GALNTL6: variants seen among roughly 807,000 people sequenced by gnomAD.
GALNTL6 encodes the protein polypeptide N-acetylgalactosaminyltransferase like 6.
A neutral mutation model predicts 73.7 loss-of-function variants in GALNTL6; 46 were observed. That is an observed-to-expected ratio of 0.62 (90% CI 0.49 to 0.80). GALNTL6 has a LOEUF of 0.80. Among genes scored for constraint, GALNTL6 ranks in the 30% least tolerant of loss-of-function variants. The probability of loss-of-function intolerance (pLI) is 0.00; values close to 1 mark genes in which losing one functional copy is unlikely to be tolerated. For missense variants in GALNTL6, 604 were observed against 755.0 expected, an observed-to-expected ratio of 0.80 and a Z score of 2.34; for synonymous variants, 259 against 263.7, an observed-to-expected ratio of 0.98 and a Z score of 0.17.
At chr4:172,942,357 T>G (rs1748956624) in intron 9 of GALNTL6, among the ~76,000 whole-genome samples, 1 of 152,228 alleles carries the variant, frequency 6.6e-6, no homozygotes, top group South Asian at 2.1e-4. Context: ...AACCACAGTT[T>G]GTTTGAATGC....
intron 2 of GALNTL6, among the ~76,000 whole-genome samples, chr4:172,121,096 G>T (rs1229841218): frequency 6.6e-6 from 1 of 151,970 alleles, no homozygotes; most frequent in Non-Finnish European, 1.5e-5. Flanking sequence ...TAAACTATGT[G>T]CATATTCAGG....
rs552837923 is a variant in GALNTL6, at chr4:172,946,665, G to A, written c.1150-5372G>A. On this transcript the variant is annotated intron_variant, in intron 9 of 12. Transcript: ENST00000506823. ...TTCTAAAGACCTCTAATGAAAGGCTGAATGTGTTGATAAATATTTGAGCAA... is the reference window on the plus strand; with the variant it reads ...TTCTAAAGACCTCTAATGAAAGGCTAAATGTGTTGATAAATATTTGAGCAA... Among the ~76,000 whole-genome samples the A allele has an allele frequency of 2.0e-5, 3 of 152,306 alleles. No individual in the cohort carries two copies. The South Asian group carries it at 6.2e-4, about 32-fold the overall frequency.
chr4:172,097,061 TCAA>T (rs1732377106), intron 2 of GALNTL6, among the ~76,000 whole-genome samples: 1 of 152,214 alleles, frequency 6.6e-6, no homozygotes, highest in South Asian at 2.1e-4. Context: ...CCAATCACTC[TCAA>T]CAACTGAGTT....
intron 2 of GALNTL6, among the ~76,000 whole-genome samples, chr4:172,221,187 A>T (rs1017410899): frequency 6.6e-6 from 1 of 151,840 alleles, no homozygotes; most frequent in Non-Finnish European, 1.5e-5. Flanking sequence ...AGCTTTTTCT[A>T]CCTAATCCCC....
intron 5 of GALNTL6, among the ~76,000 whole-genome samples, chr4:172,489,574 A>T (rs1020379032): frequency 1.3e-5 from 2 of 152,220 alleles, no homozygotes; most frequent in African/African-American, 2.4e-5. Context: ...GGCAAAATTT[A>T]AAAAATTAAT....
chr4:172,010,102 G>A (rs1253965854), intron 2 of GALNTL6, among the ~76,000 whole-genome samples: 3 of 152,060 alleles, frequency 2.0e-5, no homozygotes, highest in Admixed American at 6.6e-5. Flanking sequence ...AACTAGAAAG[G>A]ATAGAGTTTA....
At chr4:172,048,859 C>T (rs554220145) in intron 2 of GALNTL6, among the ~76,000 whole-genome samples, 1 of 152,162 alleles carries the variant, frequency 6.6e-6, no homozygotes, top group Non-Finnish European at 1.5e-5. Context: ...GACAGCTCAA[C>T]CAGACTTAAT....
intron 10 of GALNTL6, among the ~76,000 whole-genome samples, chr4:173,003,344 A>G (rs983299396): frequency 1.3e-5 from 2 of 152,182 alleles, no homozygotes; most frequent in African/African-American, 4.8e-5. Flanking sequence ...TGTAAGACAC[A>G]GTGAAGATTA....
At chr4:172,744,834 C>CACGT (rs1158015939) in intron 5 of GALNTL6, among the ~76,000 whole-genome samples, 8 of 84,690 alleles carry the variant, frequency 9.4e-5, no homozygotes, top group East Asian at 3.6e-4. Flanking sequence ...TTTAAGAGTG[C>CACGT]GCGTGCGTGT....
chr4:172,957,876 G>A (rs752819990), intron 10 of GALNTL6, among the ~76,000 whole-genome samples: 2 of 152,166 alleles, frequency 1.3e-5, no homozygotes, highest in Non-Finnish European at 1.5e-5. Context: ...TGCCTTTGCT[G>A]GTGAGTGGTG....
intron 3 of GALNTL6, among the ~76,000 whole-genome samples, chr4:172,270,189 A>G (rs77942287): frequency 8.0e-5 from 12 of 150,256 alleles, no homozygotes; most frequent in East Asian, 5.9e-4. Flanking sequence ...GTGTGTGTGT[A>G]TGTGTGTGTG....
chr4:172,746,944 T>C (rs1416047581), intron 5 of GALNTL6, among the ~76,000 whole-genome samples: 1 of 151,976 alleles, frequency 6.6e-6, no homozygotes, highest in Non-Finnish European at 1.5e-5. Context: ...ATATAGAAAA[T>C]CCTAAAGACT....
chr4:172,375,363 A>G (rs1742987676), intron 5 of GALNTL6, among the ~76,000 whole-genome samples: 1 of 152,212 alleles, frequency 6.6e-6, no homozygotes, highest in Non-Finnish European at 1.5e-5. Context: ...TAGTGCAGAA[A>G]AAAATGAGCC....
chr4:172,736,507 C>T (rs1197170170), intron 5 of GALNTL6, among the ~76,000 whole-genome samples: 1 of 152,188 alleles, frequency 6.6e-6, no homozygotes, highest in African/African-American at 2.4e-5. Context: ...TGTTAACACA[C>T]ATGCTTTACA....
chr4:172,492,939 T>TGGTAAC (rs1256021909), intron 5 of GALNTL6, among the ~76,000 whole-genome samples: 1 of 151,948 alleles, frequency 6.6e-6, no homozygotes, highest in African/African-American at 2.4e-5. Context: ...CGCAAAGAGG[T>TGGTAAC]GGTAACAGTA....
chr4:172,361,707 T>A (rs1742377973), intron 5 of GALNTL6, among the ~76,000 whole-genome samples: 1 of 152,104 alleles, frequency 6.6e-6, no homozygotes, highest in African/African-American at 2.4e-5. Flanking sequence ...GGGGGCACAT[T>A]GGTTGAAGAA....
chr4:171,959,049 A>G (rs1739138592), intron 2 of GALNTL6, among the ~76,000 whole-genome samples: 1 of 152,196 alleles, frequency 6.6e-6, no homozygotes, highest in South Asian at 2.1e-4. Flanking sequence ...ATATGCAATA[A>G]TTAGGCTGAA....
rs541456624 is a variant in GALNTL6 at position 172,305,499 on chromosome 4, A to G, written c.248-6115A>G. Among the ~76,000 whole-genome samples the G allele has an allele frequency of 5.3e-5, 8 of 152,294 alleles. No individual in the cohort carries two copies. The South Asian group carries it at 1.2e-3, about 24-fold the overall frequency. ...ACATTTGATAATAGTAAATTATATTATAAATTTTAGTGTTGAAATAGATGT... is the reference window on the plus strand; with the variant it reads ...ACATTTGATAATAGTAAATTATATTGTAAATTTTAGTGTTGAAATAGATGT... On this transcript the variant is annotated intron_variant, in intron 3 of 12. Transcript: ENST00000506823.
intron 2 of GALNTL6, among the ~76,000 whole-genome samples, chr4:172,219,440 C>G (rs1027660423): frequency 3.3e-5 from 5 of 151,354 alleles, no homozygotes; most frequent in African/African-American, 1.2e-4. Flanking sequence ...CATTCAATTC[C>G]TATATTTATG....
Sources: allele counts gnomAD v4.1 joint callset (sites outside exome capture counted in the v4.1 genomes callset), GRCh38; gene constraint gnomAD v4.1.1; transcripts MANE v1.5; gene names NCBI Gene and HGNC (gene_info 2026-07-23, HGNC 2026-07-21).